SLC9A9: variants seen among roughly 807,000 people sequenced by gnomAD.
SLC9A9 encodes sodium/hydrogen exchanger 9.
Under a neutral mutation model 77.8 loss-of-function variants are expected in SLC9A9, and 62 were observed. That is an observed-to-expected ratio of 0.80 (90% CI 0.65 to 0.98). The LOEUF is 0.98. Among genes scored for constraint, SLC9A9 ranks in the 50% least tolerant of loss-of-function variants. SLC9A9 has a pLI of 0.00. For synonymous variants in SLC9A9, 320 were observed against 283.5 expected (o/e 1.13, Z -1.29); for missense variants, 775 against 774.9 (o/e 1.00, Z 0.00).
At chr3:143,319,066 C>G (rs1239663734) in intron 14 of SLC9A9, among the ~76,000 whole-genome samples, 2 of 152,178 alleles carry the variant, frequency 1.3e-5, no homozygotes, top group Non-Finnish European at 2.9e-5. Flanking sequence ...GTAAAGATAA[C>G]AGAAATTGCC....
At chr3:143,574,381 C>T (rs2037321259) in intron 7 of SLC9A9, among the ~76,000 whole-genome samples, 188 bp from the exon 8 acceptor site, 1 of 152,186 alleles carries the variant, frequency 6.6e-6, no homozygotes. Context: ...TTCCATGCTT[C>T]ACCGGGGGCT....
intron 12 of SLC9A9, among the ~76,000 whole-genome samples, chr3:143,411,845 G>T (rs1039216893): frequency 6.6e-6 from 1 of 152,136 alleles, no homozygotes; most frequent in Non-Finnish European, 1.5e-5. Context: ...AGGTCTGCCT[G>T]TTGGGGTATT....
chr3:143,522,561 G>A (rs2036319832), intron 9 of SLC9A9, among the ~76,000 whole-genome samples: 1 of 152,032 alleles, frequency 6.6e-6, no homozygotes, highest in African/African-American at 2.4e-5. Context: ...TATATGACTT[G>A]TCACTTGGCA....
At chr3:143,448,384 C>T (rs1419914637) in intron 12 of SLC9A9, among the ~76,000 whole-genome samples, 2 of 151,990 alleles carry the variant, frequency 1.3e-5, no homozygotes, top group Non-Finnish European at 2.9e-5. Flanking sequence ...CTAGCAAAGA[C>T]AAGAAAATTA....
At chr3:143,431,659 T>C (rs1415707887) in intron 12 of SLC9A9, among the ~76,000 whole-genome samples, 2 of 152,098 alleles carry the variant, frequency 1.3e-5, no homozygotes, top group Non-Finnish European at 1.5e-5. Context: ...TTTTTTGTAT[T>C]TTTAATAGAT....
At chr3:143,543,495 T>C (rs565296985) in intron 9 of SLC9A9, among the ~76,000 whole-genome samples, 201 of 152,162 alleles carry the variant, frequency 1.3e-3, no homozygotes, top group Admixed American at 1.9e-3. Context: ...GTCACCTAGG[T>C]AGTGAGCATA....
At position 143,543,368 on chromosome 3, in the gene SLC9A9, G is replaced by A. The variant is rs145901162; in HGVS notation, c.1089+8994C>T. On this transcript the variant is annotated intron_variant, in intron 9 of 15. Coordinates refer to ENST00000316549, the MANE Select transcript of SLC9A9 (RefSeq NM_173653.4). ...CACAGTGTGTTACCTCTGTTTCTGG[G>A]ACTTGTCAAGCTTTTTTTTTTTTTC... 7.6e-5 allele frequency among the ~76,000 whole-genome samples: 11 copies of A among 144,058 alleles called. No individual in the cohort carries two copies. The East Asian group carries it at 2.2e-3, about 29-fold the overall frequency. 94.5% of individuals were successfully genotyped at this position (144,058 alleles called of 152,430 possible). A position where few individuals can be genotyped will look rare whatever the true frequency, so the allele number is the denominator to read the frequency against.
At chr3:143,663,121 T>G (rs1480749557) in intron 5 of SLC9A9, among the ~76,000 whole-genome samples, 1 of 152,124 alleles carries the variant, frequency 6.6e-6, no homozygotes, top group African/African-American at 2.4e-5. Flanking sequence ...CTTTGGCTGT[T>G]CGGCAATATT....
intron 15 of SLC9A9, among the ~76,000 whole-genome samples, chr3:143,268,456 G>A (rs560041727): frequency 1.1e-4 from 16 of 151,884 alleles, no homozygotes; most frequent in South Asian, 8.4e-4. Flanking sequence ...TCCTCAGGCC[G>A]GGCACGGTGG....
chr3:143,617,197 T>C (rs892972176), intron 6 of SLC9A9, among the ~76,000 whole-genome samples: 4 of 152,208 alleles, frequency 2.6e-5, no homozygotes, highest in Non-Finnish European at 4.4e-5. Flanking sequence ...GTATCAGATA[T>C]CTTACTTTGA....
At chr3:143,670,684 G>A (rs1017061646) in intron 5 of SLC9A9, among the ~76,000 whole-genome samples, 6 of 152,160 alleles carry the variant, frequency 3.9e-5, no homozygotes, top group African/African-American at 9.7e-5. Flanking sequence ...CTCCCCACCA[G>A]GTGGTACTCT....
At chr3:143,635,244 C>T (rs1658112852) in intron 6 of SLC9A9, among the ~76,000 whole-genome samples, 1 of 152,208 alleles carries the variant, frequency 6.6e-6, no homozygotes, top group Non-Finnish European at 1.5e-5. Flanking sequence ...TTGGCTTCCT[C>T]ACAGCAAGGT....
At chr3:143,758,091 C>G (rs1000322778) in intron 4 of SLC9A9, among the ~76,000 whole-genome samples, 15 of 152,126 alleles carry the variant, frequency 9.9e-5, no homozygotes, top group African/African-American at 3.4e-4. Flanking sequence ...TATCTTTGGC[C>G]TCTAAATAAA....
At chr3:143,375,541 G>A (rs752882088) in intron 13 of SLC9A9, among the ~76,000 whole-genome samples, 1 of 152,124 alleles carries the variant, frequency 6.6e-6, no homozygotes, top group Non-Finnish European at 1.5e-5. Context: ...TAGCCCCCTG[G>A]TCCCAGATGA....
chr3:143,811,921 C>T (rs1170026895), intron 2 of SLC9A9, among the ~76,000 whole-genome samples: 2 of 151,078 alleles, frequency 1.3e-5, no homozygotes, highest in Non-Finnish European at 3.0e-5. Context: ...AGATCTGAAT[C>T]TAAATGAAAT....
chr3:143,382,816 T>G (rs895762696), intron 12 of SLC9A9, among the ~76,000 whole-genome samples: 3 of 152,252 alleles, frequency 2.0e-5, no homozygotes, highest in Non-Finnish European at 4.4e-5. Flanking sequence ...TTCCGGAATT[T>G]TTGCCTACTG....
At chr3:143,844,210 T>C (rs1404909926) in intron 1 of SLC9A9, among the ~76,000 whole-genome samples, 1 of 152,178 alleles carries the variant, frequency 6.6e-6, no homozygotes, top group Non-Finnish European at 1.5e-5. Flanking sequence ...AACTTGAAAA[T>C]TATTTCTAAC....
chr3:143,419,833 C>G (rs780247352), intron 12 of SLC9A9, among the ~76,000 whole-genome samples: 2 of 152,150 alleles, frequency 1.3e-5, no homozygotes, highest in Non-Finnish European at 2.9e-5. Flanking sequence ...TTTATTTCAG[C>G]CTCTGTGGGA....
intron 14 of SLC9A9, among the ~76,000 whole-genome samples, chr3:143,343,092 A>G (rs184212299): frequency 6.6e-6 from 1 of 152,256 alleles, no homozygotes; most frequent in Admixed American, 6.5e-5. Flanking sequence ...TTCTTTATTC[A>G]CTGAAATGAC....
Sources: gnomAD v4.1 joint callset for allele counts (sites outside exome capture counted in the v4.1 genomes callset) on GRCh38, gnomAD v4.1.1 for gene constraint, MANE v1.5 for transcripts, NCBI Gene and HGNC (gene_info 2026-07-23, HGNC 2026-07-21) for gene names.